The following PPFIA1 variants were observed in gnomAD, a reference collection of about 807,000 sequenced individuals.
PPFIA1 encodes liprin-alpha-1.
Under a neutral mutation model 149.9 loss-of-function variants are expected in PPFIA1, and 25 were observed. That is an observed-to-expected ratio of 0.17 (90% CI 0.12 to 0.23). The LOEUF (loss-of-function observed/expected upper bound fraction) is 0.23. Among genes scored for constraint, PPFIA1 ranks in the 10% least tolerant of loss-of-function variants. The pLI is 1.00. For synonymous variants in PPFIA1, 549 were observed against 552.8 expected, an observed-to-expected ratio of 0.99 and a Z score of 0.10; for missense variants, 1,362 against 1,506.5, an observed-to-expected ratio of 0.90 and a Z score of 1.59.
At position 70,372,198 on chromosome 11, in the gene PPFIA1, C is replaced by T. The variant is rs1367464288; in HGVS notation, c.2866-17C>T. 2.5e-6 allele frequency: 4 copies of T among 1,586,648 alleles called. No individual in the cohort carries two copies. The highest frequency in any genetic ancestry group is 1.2e-5 in the South Asian group (1 of 86,420). On this transcript the variant is annotated splice_polypyrimidine_tract_variant and intron_variant, in intron 21 of 27. Transcript: ENST00000253925. The stretch of plus-strand genomic sequence containing the variant: ...AGACTTCCTCTGTAACTGACCTTTT[C>T]CATTTATGAAAAGCAGACACTCGCC...
At position 70,355,647 on chromosome 11, in the gene PPFIA1, G is replaced by T; in HGVS notation, c.2324G>T (p.Gly775Val). 6.2e-7 allele frequency: 1 copy of T among 1,600,692 alleles called. No homozygotes were observed. Among genetic ancestry groups the T allele is most frequent in the Non-Finnish European group, 8.5e-7 (1 of 1,176,322 alleles). The change falls in exon 18 of 28, where the codon GGC becomes GTC. Residue 775 changes from glycine (G) to valine (V), a missense_variant. Gly to Val is a moderately radical substitution (Grantham distance 109). Transcript: ENST00000253925. ...GTTTTCTTTCCTCGAAGCTCCACAG[G>T]CTCCCAGGATGGTCCCGTGAGCAAC... ...EDIRDIRNST[G>V]SQDGPVSNPS...
intron 26 of PPFIA1, 160 bp downstream of exon 26, chr11:70,378,355 T>C: frequency 3.8e-6 from 5 of 1,313,178 alleles, no homozygotes; most frequent in Non-Finnish European, 4.8e-6. Context: ...AACTCTAACA[T>C]TTGTTTATAA....
chr11:70,335,970 TA>T (rs2054950816), intron 11 of PPFIA1, among the ~76,000 whole-genome samples: 1 of 152,214 alleles, frequency 6.6e-6, no homozygotes, highest in Non-Finnish European at 1.5e-5. Flanking sequence ...GGCCAGATTG[TA>T]AATATTTTAG....
At chr11:70,379,078 G>T (rs1180752303) in intron 26 of PPFIA1, among the ~76,000 whole-genome samples, 1 of 152,174 alleles carries the variant, frequency 6.6e-6, no homozygotes, top group African/African-American at 2.4e-5. Flanking sequence ...TAGTTGCGAT[G>T]ATTGAATGCC....
At chr11:70,295,519 C>T (rs1204229333) in intron 2 of PPFIA1, among the ~76,000 whole-genome samples, 2 of 142,716 alleles carry the variant, frequency 1.4e-5, no homozygotes, top group Non-Finnish European at 3.1e-5. Context: ...CTGACCCCCC[C>T]CACCTCCCTC....
intron 2 of PPFIA1, among the ~76,000 whole-genome samples, chr11:70,305,544 T>A (rs946079355): frequency 6.6e-6 from 1 of 152,108 alleles, no homozygotes; most frequent in Non-Finnish European, 1.5e-5. Flanking sequence ...GCTATTTTTT[T>A]AATTTTTGTA....
chr11:70,317,067 A>G (rs1226125018), intron 2 of PPFIA1, among the ~76,000 whole-genome samples: 1 of 152,188 alleles, frequency 6.6e-6, no homozygotes, highest in Non-Finnish European at 1.5e-5. Context: ...CATCTATTCT[A>G]TTTCAGAAAA....
At chr11:70,296,386 GGC>G (rs2052020395) in intron 2 of PPFIA1, among the ~76,000 whole-genome samples, 1 of 152,122 alleles carries the variant, frequency 6.6e-6, no homozygotes, top group Non-Finnish European at 1.5e-5. Flanking sequence ...CTCCAGCCTG[GGC>G]ACCATTGAGC....
rs1391839789 is a variant in PPFIA1 at position 70,270,708 on chromosome 11, G to C, written c.-207G>C. On this transcript the variant is annotated 5_prime_UTR_variant, in exon 1 of 28. Coordinates refer to ENST00000253925, the MANE Select transcript of PPFIA1 (RefSeq NM_003626.5). ...GGCACGTAGACGCCGGCGCCGCGCAGCCGGGCCCGCTCCTCCTCCGCTCCG... is the reference window on the plus strand; with the variant it reads ...GGCACGTAGACGCCGGCGCCGCGCACCCGGGCCCGCTCCTCCTCCGCTCCG... The C allele has an allele frequency of 6.6e-6, 1 of 151,332 alleles. No individual in the cohort carries two copies. Among genetic ancestry groups the C allele is most frequent in the Non-Finnish European group, 1.5e-5 (1 of 67,780 alleles). 9.4% of individuals were successfully genotyped at this position (151,332 alleles called of 1,614,324 possible).
At chr11:70,280,571 G>A (rs962931414) in intron 2 of PPFIA1, among the ~76,000 whole-genome samples, 8 of 152,030 alleles carry the variant, frequency 5.3e-5, no homozygotes, top group African/African-American at 1.9e-4. Context: ...CTCCGTCTCG[G>A]GGAAAAAGAA....
At chr11:70,322,617 A>G (rs2054008475) in intron 2 of PPFIA1, among the ~76,000 whole-genome samples, 1 of 152,226 alleles carries the variant, frequency 6.6e-6, no homozygotes, top group South Asian at 2.1e-4. Context: ...GTTTGCAAGT[A>G]TGCACTGAAA....
intron 23 of PPFIA1, among the ~76,000 whole-genome samples, chr11:70,373,035 T>C (rs1232737656): frequency 6.6e-6 from 1 of 152,166 alleles, no homozygotes; most frequent in African/African-American, 2.4e-5. Flanking sequence ...AGCGTCTGCA[T>C]TTCAGCTGGT....
chr11:70,350,641 T>A (rs1279356617), intron 16 of PPFIA1, among the ~76,000 whole-genome samples: 1 of 152,184 alleles, frequency 6.6e-6, no homozygotes, highest in African/African-American at 2.4e-5. Context: ...CGTTGGAATA[T>A]TTTTAATTAT....
chr11:70,345,706 C>T (rs1159515708), intron 15 of PPFIA1, among the ~76,000 whole-genome samples: 4 of 152,084 alleles, frequency 2.6e-5, no homozygotes, highest in Non-Finnish European at 1.5e-5. Flanking sequence ...GCATACCTGT[C>T]ACACCAGCTA....
In PPFIA1 at chr11:70,311,132, A is replaced by G. The variant is rs182012366; in HGVS notation, c.265-13270A>G. Among the ~76,000 whole-genome samples, 694 of 152,238 alleles carry G rather than the reference A, an allele frequency of 4.6e-3. 10 individuals carry two copies. The highest frequency in any genetic ancestry group is 0.016 in the African/African-American group (652 of 41,550). The stretch of plus-strand genomic sequence containing the variant: ...CGAGACCAGCCTGACCAACATGGAA[A>G]AACCCCGTCTCTACTAAAAATACAA... On this transcript the variant is annotated intron_variant, in intron 2 of 27. Transcript: ENST00000253925.
chr11:70,362,004 T>A, intron 19 of PPFIA1, 91 bp from the exon 20 acceptor site: 1 of 1,206,232 alleles, frequency 8.3e-7, no homozygotes, highest in South Asian at 1.3e-5. Flanking sequence ...CAAGTGGTCC[T>A]CCTGCCTTGG....
At chr11:70,295,386 C>G (rs1288443958) in intron 2 of PPFIA1, among the ~76,000 whole-genome samples, 43 of 144,224 alleles carry the variant, frequency 3.0e-4, no homozygotes, top group African/African-American at 1.1e-3. Context: ...GGGGGCTGAC[C>G]CCCCCATCTC....
In PPFIA1 at chr11:70,279,787, C is replaced by G. The variant is rs1024770147; in HGVS notation, c.264+7351C>G. ...TATTTAGTTTTTAGAGACTGGGTCT[C>G]TCTGTTGCCCAGGGTGGTCTTGAAC... is the stretch of plus-strand genomic sequence containing the variant. On this transcript the variant is annotated intron_variant, in intron 2 of 27. Coordinates refer to ENST00000253925, the MANE Select transcript of PPFIA1 (RefSeq NM_003626.5). 2.9e-4 allele frequency among the ~76,000 whole-genome samples: 43 copies of G among 149,838 alleles called. 1 individual carries two copies. Among genetic ancestry groups the G allele is most frequent in the African/African-American group, 1.0e-3 (40 of 40,028 alleles).
At chr11:70,315,678 GTTT>G (rs71049904) in intron 2 of PPFIA1, among the ~76,000 whole-genome samples, 465 of 73,038 alleles carry the variant, frequency 6.4e-3, no homozygotes, top group South Asian at 0.036. Context: ...CTTTTTTTCT[GTTT>G]TTTTTTTTTT....
Sources: allele counts gnomAD v4.1 joint callset (sites outside exome capture counted in the v4.1 genomes callset), GRCh38; gene constraint gnomAD v4.1.1; transcripts MANE v1.5; gene names NCBI Gene and HGNC (gene_info 2026-07-23, HGNC 2026-07-21).